PRKN: variants seen among roughly 807,000 people sequenced by gnomAD.
PRKN encodes E3 ubiquitin-protein ligase parkin.
In PRKN, 56 loss-of-function variants were observed where a neutral mutation model predicts 59.5. The ratio of observed to expected loss-of-function variants is 0.94; its 90% CI spans 0.76 to 1.18. The LOEUF is 1.18. PRKN is among the 50% of genes most tolerant of loss of function. The probability of loss-of-function intolerance (pLI) is 0.00; values close to 1 mark genes in which losing one functional copy is unlikely to be tolerated. For missense variants in PRKN, 657 were observed against 596.4 expected (o/e 1.10, Z -1.06); for synonymous variants, 250 against 222.1 (o/e 1.13, Z -1.12).
chr6:162,616,471 A>C (rs1289095470), intron 1 of PRKN, among the ~76,000 whole-genome samples: 1 of 152,176 alleles, frequency 6.6e-6, no homozygotes, highest in Non-Finnish European at 1.5e-5. Context: ...AAAAAGAATA[A>C]AACTTACACT....
Position 161,375,397 on chromosome 6 carries a change from T to C in PRKN, c.1167+11397A>G, listed in dbSNP as rs550020402. ...GGGGCAGGCGTGTGGTGTCACTGTG[T>C]GTGTACCCACGCAAGCATGCCTTCA... is the stretch of plus-strand genomic sequence containing the variant. On this transcript the variant is annotated intron_variant, in intron 10 of 11. Transcript: ENST00000366898. Among the ~76,000 whole-genome samples, 55 of 152,338 alleles carry C rather than the reference T, an allele frequency of 3.6e-4. 1 individual carries two copies. The highest frequency in any genetic ancestry group is 5.6e-4 in the Non-Finnish European group (38 of 68,024).
intron 2 of PRKN, among the ~76,000 whole-genome samples, chr6:162,353,375 T>C (rs965004768): frequency 6.6e-6 from 1 of 151,838 alleles, no homozygotes; most frequent in African/African-American, 2.4e-5. Context: ...AAAAATGAAA[T>C]TGAGTGCTAA....
intron 9 of PRKN, among the ~76,000 whole-genome samples, chr6:161,450,233 C>G (rs958166775): frequency 6.6e-6 from 1 of 152,152 alleles, no homozygotes; most frequent in Non-Finnish European, 1.5e-5. Context: ...CTGGCAAAGA[C>G]GCTGAGCCTT....
chr6:162,088,786 A>G (rs1779357156), intron 4 of PRKN, among the ~76,000 whole-genome samples: 3 of 152,160 alleles, frequency 2.0e-5, no homozygotes, highest in Admixed American at 2.0e-4. Flanking sequence ...GTTCAACCAA[A>G]TATTTGATTC....
Position 162,700,080 on chromosome 6 carries a change from C to T in PRKN, c.7+27582G>A, listed in dbSNP as rs1778100193. Reference sequence around the variant, plus strand: ...TTCATTAAAATCATTTAGTACACCCCACAAAATTGCCTCATTTCCCTCCTC... The same window carrying T: ...TTCATTAAAATCATTTAGTACACCCTACAAAATTGCCTCATTTCCCTCCTC... On this transcript the variant is annotated intron_variant, in intron 1 of 11. Coordinates refer to ENST00000366898, the MANE Select transcript of PRKN (RefSeq NM_004562.3). 2.0e-5 allele frequency among the ~76,000 whole-genome samples: 3 copies of T among 152,098 alleles called. No homozygotes were observed. The South Asian group carries it at 6.2e-4, about 32-fold the overall frequency.
chr6:162,725,200 G>C (rs1490018828), intron 1 of PRKN, among the ~76,000 whole-genome samples: 1 of 152,232 alleles, frequency 6.6e-6, no homozygotes, highest in Non-Finnish European at 1.5e-5. Context: ...CAAGGTGAGT[G>C]TAATAGTTAG....
chr6:161,885,266 C>G (rs4552706), intron 6 of PRKN, among the ~76,000 whole-genome samples: 75,998 of 152,012 alleles, frequency 0.5, 20,202 homozygotes, highest in African/African-American at 0.69. Flanking sequence ...GAGTGAACAT[C>G]AGCGTATGGG....
chr6:162,050,233 T>G (rs1158803232), intron 5 of PRKN, among the ~76,000 whole-genome samples: 1 of 152,170 alleles, frequency 6.6e-6, no homozygotes, highest in Non-Finnish European at 1.5e-5. Flanking sequence ...AATACTTGCC[T>G]GGATTATTAC....
chr6:162,515,738 TA>T (rs1777825153), intron 1 of PRKN, among the ~76,000 whole-genome samples: 1 of 152,160 alleles, frequency 6.6e-6, no homozygotes. Context: ...TAATTATGTC[TA>T]AATGTTCTTT....
chr6:161,519,323 C>G (rs79133479), intron 9 of PRKN, among the ~76,000 whole-genome samples: 1,879 of 152,224 alleles, frequency 0.012, 42 homozygotes, highest in African/African-American at 0.043. Context: ...AAAATACCAG[C>G]AGGATTGCTC....
In PRKN at chr6:161,566,552, G is replaced by C. The variant is rs187770650; in HGVS notation, c.933+2803C>G. 2.0e-5 allele frequency among the ~76,000 whole-genome samples: 3 copies of C among 152,004 alleles called. No homozygotes were observed. The highest frequency in any genetic ancestry group is 2.9e-5 in the Non-Finnish European group (2 of 67,996). On this transcript the variant is annotated intron_variant, in intron 8 of 11. Coordinates refer to ENST00000366898, the MANE Select transcript of PRKN (RefSeq NM_004562.3). The surrounding 1 kb of genome is among the most constrained non-coding windows in gnomAD (Gnocchi z 4.1). ...CTCCTGAGTAGCTGAGATTACAGGCGCCCGCCACCACACCCAGCTAACTTC... is the reference window on the plus strand; with the variant it reads ...CTCCTGAGTAGCTGAGATTACAGGCCCCCGCCACCACACCCAGCTAACTTC...
intron 7 of PRKN, among the ~76,000 whole-genome samples, chr6:161,640,986 C>T (rs1169462843): frequency 1.3e-5 from 2 of 152,206 alleles, no homozygotes; most frequent in Non-Finnish European, 2.9e-5. Flanking sequence ...GCCACCTTTG[C>T]GAAAGTATAA....
chr6:162,204,003 A>G (rs1265729019), intron 3 of PRKN, among the ~76,000 whole-genome samples: 1 of 152,168 alleles, frequency 6.6e-6, no homozygotes, highest in African/African-American at 2.4e-5. Context: ...GTGTGTGTGC[A>G]TATAGCTGTG....
At position 162,003,383 on chromosome 6, in the gene PRKN, G is replaced by C. The variant is rs893520367; in HGVS notation, c.619-29966C>G. ...CTGAATTTTTGTATATTGTGTTTAA[G>C]TGCTGAGACTATTTTTCTTGCTAGG... On this transcript the variant is annotated intron_variant, in intron 5 of 11. Transcript: ENST00000366898. Among the ~76,000 whole-genome samples the C allele has an allele frequency of 3.3e-5, 5 of 152,202 alleles. No individual in the cohort carries two copies. The East Asian group carries it at 5.8e-4, about 18-fold the overall frequency.
intron 2 of PRKN, among the ~76,000 whole-genome samples, chr6:162,364,423 T>C (rs1420711399): frequency 6.6e-6 from 1 of 152,152 alleles, no homozygotes; most frequent in Non-Finnish European, 1.5e-5. Flanking sequence ...TTCCAAACTT[T>C]TCTTCCTTTT....
chr6:162,681,166 A>C (rs1779755362), intron 1 of PRKN, among the ~76,000 whole-genome samples: 1 of 152,304 alleles, frequency 6.6e-6, no homozygotes, highest in African/African-American at 2.4e-5. Context: ...AATCGTAAGA[A>C]TGTGGAAGAA....
intron 1 of PRKN, among the ~76,000 whole-genome samples, chr6:162,487,296 C>T (rs1792590846): frequency 3.9e-5 from 6 of 152,108 alleles, no homozygotes; most frequent in Admixed American, 6.6e-5. Context: ...CGTTTTCATT[C>T]TCTAACGGAG....
At chr6:161,411,362 G>A (rs770331783) in intron 9 of PRKN, among the ~76,000 whole-genome samples, 8 of 152,108 alleles carry the variant, frequency 5.3e-5, no homozygotes, top group Non-Finnish European at 7.4e-5. Context: ...CTTGCCTGCC[G>A]CCATGTAAGA....
Position 161,348,764 on chromosome 6 carries a change from G to A in PRKN, c.*1335C>T, listed in dbSNP as rs1156750188. 2 of 209,768 alleles carry A rather than the reference G, an allele frequency of 9.5e-6. No homozygotes were observed. The highest frequency in any genetic ancestry group is 1.2e-4 in the Admixed American group (2 of 16,946). The allele number at this position is 209,768 out of a possible 1,614,324, so 13.0% of individuals were successfully genotyped here. A position where few individuals can be genotyped will look rare whatever the true frequency, so the allele number is the denominator to read the frequency against. ...TCAGTTATGTTCACGATCTTCCTGA[G>A]AAGTCAGACAATACAGGTAGAACAA... On this transcript the variant is annotated 3_prime_UTR_variant, in exon 12 of 12. Transcript: ENST00000366898. This position sits in a 1 kb window ranked among gnomAD's most constrained non-coding sequence, Gnocchi z 4.9.
Sources: allele counts gnomAD v4.1 joint callset (sites outside exome capture counted in the v4.1 genomes callset), GRCh38; gene constraint gnomAD v4.1.1; non-coding constraint Gnocchi (gnomAD v3.1); transcripts MANE v1.5; gene names NCBI Gene and HGNC (gene_info 2026-07-23, HGNC 2026-07-21).